PCDHGA5: variants seen among roughly 807,000 people sequenced by gnomAD.
PCDHGA5 encodes the protein protocadherin gamma-A5.
PCDHGA5 carries 36 observed loss-of-function variants against 56.7 expected under a neutral mutation model. The observed-to-expected ratio is 0.64, with a 90% CI of 0.49 to 0.84. PCDHGA5 has a LOEUF of 0.84. Among genes scored for constraint, PCDHGA5 ranks in the 40% least tolerant of loss-of-function variants. The pLI is 0.00. For synonymous variants in PCDHGA5, 563 were observed against 520.2 expected, an observed-to-expected ratio of 1.08 and a Z score of -1.12; for missense variants, 1,305 against 1,201.5, an observed-to-expected ratio of 1.09 and a Z score of -1.27.
chr5:141,388,424 GATAA>G, intron 1 of PCDHGA5: 1 of 1,613,812 alleles, frequency 6.2e-7, no homozygotes, highest in Non-Finnish European at 8.5e-7. Context: ...ATTTCTCACT[GATAA>G]ATAAAGAGAA....
intron 1 of PCDHGA5, among the ~76,000 whole-genome samples, chr5:141,381,361 G>A (rs1050283609): frequency 6.6e-6 from 1 of 152,198 alleles, no homozygotes; most frequent in Admixed American, 6.5e-5. Context: ...CTAGCAGAGG[G>A]TAGCCTCGGA....
At position 141,375,854 on chromosome 5, in the gene PCDHGA5, G is replaced by A. The variant is rs937512272; in HGVS notation, c.2421+9103G>A. 3.1e-6 allele frequency: 5 copies of A among 1,613,934 alleles called. No homozygotes were observed. The South Asian group carries it at 5.5e-5, about 18-fold the overall frequency. ...AGAGCCCGGCTACCTGGTGACCAAG[G>A]TGGTGGCGGTGGACAGAGACTCGGG... On this transcript the variant is annotated intron_variant, in intron 1 of 3. Coordinates refer to ENST00000518069, the MANE Select transcript of PCDHGA5 (RefSeq NM_018918.3).
At chr5:141,435,593 G>A (rs183768133) in intron 1 of PCDHGA5, among the ~76,000 whole-genome samples, 9 of 152,112 alleles carry the variant, frequency 5.9e-5, no homozygotes, top group Admixed American at 2.6e-4. Flanking sequence ...CAGTAATATC[G>A]CCTGCTTTTT....
chr5:141,483,872 T>A (rs1373802168), intron 1 of PCDHGA5, among the ~76,000 whole-genome samples: 1 of 152,080 alleles, frequency 6.6e-6, no homozygotes, highest in African/African-American at 2.4e-5. Context: ...CAGATCAGGA[T>A]GGATTTTTCT....
At chr5:141,474,156 A>C (rs1387216017) in intron 1 of PCDHGA5, among the ~76,000 whole-genome samples, 1 of 152,244 alleles carries the variant, frequency 6.6e-6, no homozygotes, top group East Asian at 1.9e-4. Flanking sequence ...CAAGAAAATG[A>C]CAGGCCTTAT....
Position 141,431,991 on chromosome 5 carries a change from A to G in PCDHGA5, c.2422-62816A>G. 1.2e-6 allele frequency: 2 copies of G among 1,614,218 alleles called. No individual in the cohort carries two copies. The highest frequency in any genetic ancestry group is 1.7e-6 in the Non-Finnish European group (2 of 1,180,042). On this transcript the variant is annotated intron_variant, in intron 1 of 3. Transcript: ENST00000518069. The surrounding 1 kb of genome is among the most constrained non-coding windows in gnomAD (Gnocchi z 4.8). The stretch of plus-strand genomic sequence containing the variant: ...AGTTTAGTCACAGACATAGTCTTGG[A>G]TAGGGAACAGGTTCCTAGCTACAAC...
intron 1 of PCDHGA5, among the ~76,000 whole-genome samples, chr5:141,400,891 A>G (rs1266926061): frequency 6.6e-6 from 1 of 152,222 alleles, no homozygotes; most frequent in African/African-American, 2.4e-5. Context: ...GTATGTAATC[A>G]TTTAATTCAT....
intron 1 of PCDHGA5, chr5:141,441,834 C>T (rs370689467): frequency 2.6e-5 from 9 of 352,638 alleles, no homozygotes; most frequent in Non-Finnish European, 3.9e-5. Flanking sequence ...GCAATGGCTT[C>T]GCGCTCTTGG....
Position 141,365,416 on chromosome 5 carries a change from C to T in PCDHGA5, c.1086C>T (p.Pro362=), listed in dbSNP as rs780113082. The change falls in exon 1 of 4, where the codon CCC becomes CCT. Residue 362 remains proline (P), a synonymous_variant. Coordinates refer to ENST00000518069, the MANE Select transcript of PCDHGA5 (RefSeq NM_018918.3). ...GTTCGATCTCTGAAGACTGTCTTCC[C>T]GGAACTGTAATCGCGCTGTTTAGCG... The part of the protein sequence containing the change: ...LTSSISEDCL[P]GTVIALFSVH... The T allele has an allele frequency of 5.0e-6, 8 of 1,613,930 alleles. No homozygotes were observed. The highest frequency in any genetic ancestry group is 6.8e-6 in the Non-Finnish European group (8 of 1,179,880).
At chr5:141,481,703 C>T (rs909197135) in intron 1 of PCDHGA5, among the ~76,000 whole-genome samples, 1 of 152,090 alleles carries the variant, frequency 6.6e-6, no homozygotes, top group Admixed American at 6.5e-5. Context: ...CCTGTAATCC[C>T]AGCACTTTGG....
At position 141,383,174 on chromosome 5, in the gene PCDHGA5, G is replaced by C. The variant is rs771829169; in HGVS notation, c.2421+16423G>C. The C allele has an allele frequency of 1.1e-5, 18 of 1,613,966 alleles. No individual in the cohort carries two copies. Among genetic ancestry groups the C allele is most frequent in the Non-Finnish European group, 1.3e-5 (15 of 1,179,984 alleles). On this transcript the variant is annotated intron_variant, in intron 1 of 3. Coordinates refer to ENST00000518069, the MANE Select transcript of PCDHGA5 (RefSeq NM_018918.3). ...TTGGTCACTGCGGGCAGGATAGACC[G>C]GGAAGAGATCTGCGCTCAGAGTGCG...
intron 1 of PCDHGA5, among the ~76,000 whole-genome samples, chr5:141,472,980 C>CAAAAAAAAAAAAAAAA (rs60579131): frequency 2.8e-4 from 24 of 86,024 alleles, no homozygotes; most frequent in East Asian, 1.2e-3. Context: ...GAGTGAAACT[C>CAAAAAAAAAAAAAAAA]AAAAAAAAAA....
Position 141,432,691 on chromosome 5 carries a change from G to A in PCDHGA5, c.2422-62116G>A, listed in dbSNP as rs1308174141. Reference sequence around the variant, plus strand: ...ACGCGCTCAAGCAGAGCCTCGTAGTGGCCGTCCAGGACCACGGCCAGCCCC... The same window carrying A: ...ACGCGCTCAAGCAGAGCCTCGTAGTAGCCGTCCAGGACCACGGCCAGCCCC... On this transcript the variant is annotated intron_variant, in intron 1 of 3. Transcript: ENST00000518069. The surrounding 1 kb of genome is among the most constrained non-coding windows in gnomAD (Gnocchi z 6.0). 1 of 1,613,942 alleles carries A rather than the reference G, an allele frequency of 6.2e-7. No individual in the cohort carries two copies. Among genetic ancestry groups the A allele is most frequent in the South Asian group, 1.1e-5 (1 of 91,068 alleles).
At chr5:141,405,049 C>A in intron 1 of PCDHGA5, 2 of 1,613,936 alleles carry the variant, frequency 1.2e-6, no homozygotes, top group South Asian at 2.2e-5. Flanking sequence ...CTGTGGCAGT[C>A]GTCTCCTGTG....
chr5:141,433,993 T>G (rs1367687577), intron 1 of PCDHGA5, among the ~76,000 whole-genome samples: 1 of 152,216 alleles, frequency 6.6e-6, no homozygotes, highest in Non-Finnish European at 1.5e-5. Context: ...GAGTTTTATA[T>G]TCTCTATATA....
chr5:141,432,945 G>A lies in PCDHGA5; in HGVS notation c.2422-61862G>A, dbSNP rs761055026. On this transcript the variant is annotated intron_variant, in intron 1 of 3. Transcript: ENST00000518069. This position sits in a 1 kb window ranked among gnomAD's most constrained non-coding sequence, Gnocchi z 6.0. ...AAGTCACGCCTGCTGCAGGCTTCAGGAGGCGGCTTGACAGGAGCGCCGGCG... is the reference window on the plus strand; with the variant it reads ...AAGTCACGCCTGCTGCAGGCTTCAGAAGGCGGCTTGACAGGAGCGCCGGCG... 3 of 1,614,218 alleles carry A rather than the reference G, an allele frequency of 1.9e-6. No individual in the cohort carries two copies. The highest frequency in any genetic ancestry group is 2.5e-6 in the Non-Finnish European group (3 of 1,180,058).
chr5:141,485,106 TGGCTGTTTGGGGCGGGTC>T lies in PCDHGA5; in HGVS notation c.2422-9696_2422-9679del. 1 of 1,206,448 alleles carries T rather than the reference TGGCTGTTTGGGGCGGGTC, an allele frequency of 8.3e-7. No homozygotes were observed. The highest frequency in any genetic ancestry group is 1.2e-6 in the Non-Finnish European group (1 of 828,284). 74.7% of individuals were successfully genotyped at this position (1,206,448 alleles called of 1,614,324 possible). Reference sequence around the variant, plus strand: ...GGGAGATAGGTGTCTCCAGCTGCTGTGGCTGTTTGGGGCGGGTCGGCTTCATCCGCGTCTCAGGAGCAA... The same window carrying T: ...GGGAGATAGGTGTCTCCAGCTGCTGTGGCTTCATCCGCGTCTCAGGAGCAA... On this transcript the variant is annotated intron_variant, in intron 1 of 3. Coordinates refer to ENST00000518069, the MANE Select transcript of PCDHGA5 (RefSeq NM_018918.3). This position sits in a 1 kb window ranked among gnomAD's most constrained non-coding sequence, Gnocchi z 5.7.
chr5:141,409,802 G>A (rs2095317294), intron 1 of PCDHGA5: 10 of 1,611,810 alleles, frequency 6.2e-6, no homozygotes, highest in Non-Finnish European at 7.6e-6. Context: ...CACGCTGCAG[G>A]CCCGCGACCA....
At position 141,388,141 on chromosome 5, in the gene PCDHGA5, T is replaced by C. The variant is rs1239201119; in HGVS notation, c.2421+21390T>C. On this transcript the variant is annotated intron_variant, in intron 1 of 3. Transcript: ENST00000518069. ...AGCGCAGAGAGCGGGGAGTTGCTTG[T>C]GAGCAGCAGGCTAGACAGGGAGGAG... 6.9e-7 allele frequency: 1 copy of C among 1,456,446 alleles called. No individual in the cohort carries two copies. The highest frequency in any genetic ancestry group is 2.3e-4 in the Middle Eastern group (1 of 4,348). The allele number at this position is 1,456,446 out of a possible 1,614,324, so 90.2% of individuals were successfully genotyped here. A position where few individuals can be genotyped will look rare whatever the true frequency, so the allele number is the denominator to read the frequency against.
Sources: gnomAD v4.1 joint callset for allele counts (sites outside exome capture counted in the v4.1 genomes callset) on GRCh38, gnomAD v4.1.1 for gene constraint, Gnocchi (gnomAD v3.1) non-coding constraint, MANE v1.5 for transcripts, NCBI Gene and HGNC (gene_info 2026-07-23, HGNC 2026-07-21) for gene names.